Variants in APP observed in about 807,000 individuals in gnomAD.
APP encodes the protein amyloid beta precursor protein, also known as amyloid-beta precursor protein.
In APP, 31 loss-of-function variants were observed where a neutral mutation model predicts 101.4. That is an observed-to-expected ratio of 0.31 (90% CI 0.23 to 0.41). The LOEUF (loss-of-function observed/expected upper bound fraction) is 0.41. Among genes scored for constraint, APP ranks in the 10% least tolerant of loss-of-function variants. The pLI, the probability that APP is intolerant of heterozygous loss-of-function variation, is 1.00. For missense variants in APP, 839 were observed against 1,003.7 expected (o/e 0.84, Z 2.22); for synonymous variants, 366 against 364.4 (o/e 1.00, Z -0.05).
At chr21:25,897,838 C>A (rs950722445) in intron 15 of APP, 165 bp from the exon 16 acceptor site, 29 of 635,382 alleles carry the variant, frequency 4.6e-5, no homozygotes, top group Non-Finnish European at 6.7e-5. Context: ...TTTAAAACTT[C>A]AATTACTACC....
intron 13 of APP, chr21:25,943,124 A>G (rs1291241762): frequency 6.6e-6 from 1 of 152,182 alleles, no homozygotes; most frequent in Non-Finnish European, 1.5e-5. Context: ...TTCTAATTTT[A>G]GTATATGTGC....
chr21:25,997,427 A>T lies in APP; in HGVS notation c.1034-11T>A. The T allele has an allele frequency of 6.2e-7, 1 of 1,608,668 alleles. No homozygotes were observed. The highest frequency in any genetic ancestry group is 1.1e-5 in the South Asian group (1 of 90,932). On this transcript the variant is annotated splice_polypyrimidine_tract_variant and intron_variant, in intron 7 of 17. Coordinates refer to ENST00000346798, the MANE Select transcript of APP (RefSeq NM_000484.4). ...GTAAACTTTGGGACACTATGGAAAA[A>T]ATAAGAGAACATAACTAAAAACAAA...
chr21:25,947,754 G>C (rs1202904215), intron 13 of APP, among the ~76,000 whole-genome samples: 1 of 152,090 alleles, frequency 6.6e-6, no homozygotes, highest in African/African-American at 2.4e-5. Flanking sequence ...TGTATTCCCA[G>C]CATTTTGGGG....
chr21:26,035,163 C>A (rs2045046832), intron 5 of APP, among the ~76,000 whole-genome samples: 1 of 151,930 alleles, frequency 6.6e-6, no homozygotes, highest in Admixed American at 6.6e-5. Flanking sequence ...GCCTGTAGTC[C>A]CAGCTACTCA....
intron 3 of APP, among the ~76,000 whole-genome samples, chr21:26,078,081 C>T (rs2061531765): frequency 6.6e-6 from 1 of 152,028 alleles, no homozygotes; most frequent in African/African-American, 2.4e-5. Flanking sequence ...ATTTGTGTAC[C>T]TGAAAAAAAG....
intron 3 of APP, among the ~76,000 whole-genome samples, chr21:26,078,974 C>T (rs1271951205): frequency 2.1e-5 from 3 of 141,634 alleles, no homozygotes; most frequent in Non-Finnish European, 4.5e-5. Context: ...ACCCAGGAGG[C>T]GGAGGTTGGG....
chr21:25,917,052 G>A (rs577013134), intron 13 of APP, among the ~76,000 whole-genome samples: 1 of 152,136 alleles, frequency 6.6e-6, no homozygotes, highest in Non-Finnish European at 1.5e-5. Context: ...CACGAGGTCA[G>A]GAGTTCAAGA....
intron 2 of APP, among the ~76,000 whole-genome samples, chr21:26,092,857 T>C (rs1170407884): frequency 1.3e-5 from 2 of 152,174 alleles, no homozygotes; most frequent in Non-Finnish European, 2.9e-5. Flanking sequence ...AAACCGTCTA[T>C]TTTAAAAACA....
At chr21:25,967,879 A>C (rs1372233378) in intron 11 of APP, among the ~76,000 whole-genome samples, 1 of 152,258 alleles carries the variant, frequency 6.6e-6, no homozygotes, top group East Asian at 1.9e-4. Flanking sequence ...GGTAGCTTGC[A>C]GGCCTCCAAA....
At chr21:26,078,184 T>C (rs1437486106) in intron 3 of APP, among the ~76,000 whole-genome samples, 1 of 152,176 alleles carries the variant, frequency 6.6e-6, no homozygotes, top group Non-Finnish European at 1.5e-5. Context: ...AAAAATATAA[T>C]ACGTGAGAAA....
rs147720497 is a variant in APP, at chr21:26,021,351, A to G, written c.865+489T>C. On this transcript the variant is annotated intron_variant, in intron 6 of 17. Coordinates refer to ENST00000346798, the MANE Select transcript of APP (RefSeq NM_000484.4). ...GTGTGAGGCACTGTGCCTGGCCCAA[A>G]TCTCCTTCTTTAATGAAATCTAATC... is the stretch of plus-strand genomic sequence containing the variant. 5.3e-3 allele frequency among the ~76,000 whole-genome samples: 804 copies of G among 152,132 alleles called. 5 individuals carry two copies. Among genetic ancestry groups the G allele is most frequent in the African/African-American group, 0.019 (771 of 41,532 alleles).
intron 1 of APP, among the ~76,000 whole-genome samples, chr21:26,166,906 A>AGAGAGAGAGAGAGAGAG (rs1569055925): frequency 5.2e-5 from 2 of 38,114 alleles, no homozygotes; most frequent in African/African-American, 1.8e-4. Context: ...GAGAGAGAGA[A>AGAGAGAGAGAGAGAGAG]AGAGAGAGAA....
chr21:26,025,899 C>G (rs1483823750), intron 5 of APP, among the ~76,000 whole-genome samples: 1 of 152,212 alleles, frequency 6.6e-6, no homozygotes, highest in African/African-American at 2.4e-5. Flanking sequence ...AACAAGAGCA[C>G]ACGGTTTTGT....
intron 1 of APP, among the ~76,000 whole-genome samples, chr21:26,122,721 A>T (rs1311084909): frequency 8.2e-5 from 12 of 147,024 alleles, no homozygotes; most frequent in Non-Finnish European, 1.7e-4. Flanking sequence ...TTTTAATAAA[A>T]TTTTTTATTA....
chr21:25,975,070 C>T lies in APP; in HGVS notation c.1458G>A (p.Arg486=), dbSNP rs202013285. ...YITALQAVPP[R]PRHVFNMLKK... ...TGAACTCGGCTGCAGCGAGACCTACCCGAGGAGGAACAGCCTGCAGAGCGG... is the reference window on the plus strand; with the variant it reads ...TGAACTCGGCTGCAGCGAGACCTACTCGAGGAGGAACAGCCTGCAGAGCGG... Residue 486 remains arginine (R), a splice_region_variant and synonymous_variant, in exon 11 of 18, where the codon CGG becomes CGA. Transcript: ENST00000346798. The T allele has an allele frequency of 5.0e-6, 8 of 1,613,648 alleles. No individual in the cohort carries two copies. In the Admixed American group the frequency reaches 6.7e-5, roughly 13 times the overall value.
chr21:25,927,198 A>C (rs2039938959), intron 13 of APP, among the ~76,000 whole-genome samples: 1 of 152,124 alleles, frequency 6.6e-6, no homozygotes. Flanking sequence ...GCAGGGCTGA[A>C]AAGCTCCCTC....
chr21:25,933,870 A>T (rs2040250860), intron 13 of APP: 1 of 152,194 alleles, frequency 6.6e-6, no homozygotes, highest in Non-Finnish European at 1.5e-5. Context: ...GTGGTTGAAA[A>T]AATTTGACAA....
chr21:26,136,198 A>C (rs1375258809), intron 1 of APP, among the ~76,000 whole-genome samples: 1 of 124,786 alleles, frequency 8.0e-6, no homozygotes. Flanking sequence ...AGAAAGAAAG[A>C]AAGAAAAGAA....
chr21:26,168,041 G>C (rs1224127601), intron 1 of APP, among the ~76,000 whole-genome samples: 2 of 152,130 alleles, frequency 1.3e-5, no homozygotes, highest in Middle Eastern at 3.2e-3. Context: ...AGATGATTGT[G>C]ACTAGGTTAA....
Sources: gnomAD v4.1 joint callset for allele counts (sites outside exome capture counted in the v4.1 genomes callset) on GRCh38, gnomAD v4.1.1 for gene constraint, MANE v1.5 for transcripts, NCBI Gene and HGNC (gene_info 2026-07-23, HGNC 2026-07-21) for gene names.